Variants in RASGRP1 observed in about 807,000 individuals in gnomAD.
The protein encoded by RASGRP1 is RAS guanyl releasing protein 1.
A neutral mutation model predicts 95.1 loss-of-function variants in RASGRP1; 37 were observed. The observed-to-expected ratio is 0.39, with a 90% CI of 0.30 to 0.51. The LOEUF is 0.51. RASGRP1 is among the 20% of genes least tolerant of loss of function. The probability of loss-of-function intolerance (pLI) is 0.80; values close to 1 mark genes in which losing one functional copy is unlikely to be tolerated. For missense variants in RASGRP1, 711 were observed against 965.4 expected (o/e 0.74, Z 3.49); for synonymous variants, 325 against 353.4 (o/e 0.92, Z 0.90).
chr15:38,561,992 T>C (rs1595888989), intron 1 of RASGRP1, among the ~76,000 whole-genome samples: 1 of 152,278 alleles, frequency 6.6e-6, no homozygotes, highest in East Asian at 1.9e-4. Flanking sequence ...GTTATCCCCA[T>C]CTCATGACAC....
intron 2 of RASGRP1, among the ~76,000 whole-genome samples, chr15:38,526,616 T>C (rs1892233306): frequency 6.6e-6 from 1 of 152,062 alleles, no homozygotes; most frequent in Non-Finnish European, 1.5e-5. Flanking sequence ...TAACTACCCC[T>C]TTTCCTCTCC....
chr15:38,551,004 C>T (rs1250425878), intron 2 of RASGRP1, among the ~76,000 whole-genome samples: 3 of 152,166 alleles, frequency 2.0e-5, no homozygotes, highest in Non-Finnish European at 4.4e-5. Context: ...AATGAGACTA[C>T]ATATGTAAAA....
intron 7 of RASGRP1, 87 bp from the exon 8 acceptor site, chr15:38,511,807 G>A (rs1274422324): frequency 2.7e-5 from 26 of 947,142 alleles, no homozygotes; most frequent in East Asian, 1.0e-4. Flanking sequence ...TCTCTGTGCC[G>A]TGAGTCTCCC....
At chr15:38,558,928 G>A (rs925118586) in intron 2 of RASGRP1, among the ~76,000 whole-genome samples, 1 of 152,142 alleles carries the variant, frequency 6.6e-6, no homozygotes, top group African/African-American at 2.4e-5. Context: ...AGGCTCCCAG[G>A]GTTGGGGTAG....
intron 2 of RASGRP1, among the ~76,000 whole-genome samples, chr15:38,532,783 C>T (rs1302486054): frequency 6.6e-6 from 1 of 152,180 alleles, no homozygotes; most frequent in African/African-American, 2.4e-5. Context: ...AAAGCACTGT[C>T]CTAGGTACTA....
intron 10 of RASGRP1, among the ~76,000 whole-genome samples, chr15:38,505,518 T>C (rs570585638): frequency 1.4e-4 from 22 of 152,324 alleles, no homozygotes; most frequent in African/African-American, 4.8e-4. Flanking sequence ...CACAATAGTA[T>C]CTTCCTTCTC....
chr15:38,562,247 G>C (rs1296131303), intron 1 of RASGRP1, among the ~76,000 whole-genome samples: 1 of 152,160 alleles, frequency 6.6e-6, no homozygotes. Flanking sequence ...TAATGTAAAG[G>C]CTGAATCTCA....
intron 11 of RASGRP1, 77 bp from the exon 12 acceptor site, chr15:38,502,498 T>TG (rs1219874268): frequency 2.0e-5 from 17 of 869,696 alleles, no homozygotes; most frequent in Non-Finnish European, 3.1e-5. Context: ...GACAAAGAGC[T>TG]GGGGCAGTTG....
At chr15:38,512,530 T>C (rs888902732) in intron 7 of RASGRP1, among the ~76,000 whole-genome samples, 3 of 152,086 alleles carry the variant, frequency 2.0e-5, no homozygotes, top group African/African-American at 4.8e-5. Flanking sequence ...ATGTTAAAGG[T>C]CTAAACAGAT....
chr15:38,538,571 T>C (rs549341476), intron 2 of RASGRP1, among the ~76,000 whole-genome samples: 2 of 152,324 alleles, frequency 1.3e-5, no homozygotes, highest in African/African-American at 4.8e-5. Flanking sequence ...ATATTAACCC[T>C]GTGAGACAGG....
At chr15:38,550,648 A>G (rs1027779481) in intron 2 of RASGRP1, among the ~76,000 whole-genome samples, 60 of 152,310 alleles carry the variant, frequency 3.9e-4, no homozygotes, top group African/African-American at 1.4e-3. Context: ...CTCTTTATAA[A>G]TAATAATATT....
chr15:38,535,218 C>G (rs1456804324), intron 2 of RASGRP1, among the ~76,000 whole-genome samples: 1 of 152,106 alleles, frequency 6.6e-6, no homozygotes, highest in East Asian at 1.9e-4. Context: ...CCTCTCACTC[C>G]CAGCCCAAGG....
intron 5 of RASGRP1, among the ~76,000 whole-genome samples, chr15:38,517,483 A>G (rs771999479): frequency 6.6e-6 from 1 of 152,166 alleles, no homozygotes; most frequent in Non-Finnish European, 1.5e-5. Context: ...TAATCTTGAA[A>G]TCATTTCTAC....
At chr15:38,564,146 C>T (rs1893927216) in intron 1 of RASGRP1, among the ~76,000 whole-genome samples, 1 of 152,230 alleles carries the variant, frequency 6.6e-6, no homozygotes, top group African/African-American at 2.4e-5. Flanking sequence ...TCTGCGGGCT[C>T]CCTGCAAGCT....
chr15:38,542,842 T>TATATAC (rs1555403771), intron 2 of RASGRP1, among the ~76,000 whole-genome samples: 40 of 115,272 alleles, frequency 3.5e-4, no homozygotes, highest in African/African-American at 9.5e-4. Flanking sequence ...TGTGTATATA[T>TATATAC]ATATATGTGT....
chr15:38,500,098 C>G lies in RASGRP1; in HGVS notation c.1720+5G>C. 1.2e-6 allele frequency: 2 copies of G among 1,612,740 alleles called. No homozygotes were observed. The highest frequency in any genetic ancestry group is 1.7e-6 in the Non-Finnish European group (2 of 1,179,536). On this transcript the variant is annotated splice_donor_5th_base_variant and intron_variant, in intron 14 of 16. Transcript: ENST00000310803. The stretch of plus-strand genomic sequence containing the variant: ...CAGGAATATGTCAACAATATTGAGT[C>G]TTACCTTTACATCGATATCCTTGTT...
rs1891322762 is a variant in RASGRP1, at chr15:38,507,805, T to C, written c.1163A>G (p.Asn388Ser). The C allele has an allele frequency of 1.2e-6, 2 of 1,612,042 alleles. No homozygotes were observed. The highest frequency in any genetic ancestry group is 1.3e-5 in the African/African-American group (1 of 74,872). The stretch of plus-strand genomic sequence containing the variant: ...CAGCTGGACCAATTCACTGATATGA[T>C]TGTATAGGGCCAGTAGCTTATGGAC... ...VNVHKLLALY[N>S]HISELVQLQE... The change falls in exon 9 of 17, where the codon AAT becomes AGT. Residue 388 changes from asparagine (N) to serine (S), a missense_variant. Physicochemically the swap from Asn to Ser is conservative, Grantham distance 46. This residue lies in a region of RASGRP1 where 491 missense variants were observed against 676.6 expected (regional missense o/e 0.73). Coordinates refer to ENST00000310803, the MANE Select transcript of RASGRP1 (RefSeq NM_005739.4).
rs60569304 is a variant in RASGRP1 at position 38,503,627 on chromosome 15, A to G, written c.1324-251T>C. 2,658 of 497,390 alleles carry G rather than the reference A, an allele frequency of 5.3e-3. 60 individuals are homozygous for G. Among genetic ancestry groups the G allele is most frequent in the African/African-American group, 0.046 (2,362 of 50,922 alleles). 30.8% of individuals were successfully genotyped at this position (497,390 alleles called of 1,614,324 possible). On this transcript the variant is annotated intron_variant, in intron 10 of 16. Transcript: ENST00000310803. ...AGCTACAGATAATTTGAAATTCTCAATCTGCCTGAGTTGCAATTCCCTCTC... is the reference window on the plus strand; with the variant it reads ...AGCTACAGATAATTTGAAATTCTCAGTCTGCCTGAGTTGCAATTCCCTCTC...
In RASGRP1 at chr15:38,488,943, T is replaced by C. The variant is rs1191428184; in HGVS notation, c.*1611A>G. ...ACGTGTGTAAAACTATTCTTTATAA[T>C]GTAATGAAACACTAACTACAAGCTA... On this transcript the variant is annotated 3_prime_UTR_variant, in exon 17 of 17. Coordinates refer to ENST00000310803, the MANE Select transcript of RASGRP1 (RefSeq NM_005739.4). 1 of 152,022 alleles carries C rather than the reference T, an allele frequency of 6.6e-6. No homozygotes were observed. The highest frequency in any genetic ancestry group is 1.5e-5 in the Non-Finnish European group (1 of 67,876). 9.4% of individuals were successfully genotyped at this position (152,022 alleles called of 1,614,324 possible).
Sources: allele counts gnomAD v4.1 joint callset (sites outside exome capture counted in the v4.1 genomes callset), GRCh38; gene constraint gnomAD v4.1.1; regional missense constraint gnomAD v4.1.1; transcripts MANE v1.5; gene names NCBI Gene and HGNC (gene_info 2026-07-23, HGNC 2026-07-21).